The following DNM3 variants were observed in gnomAD, a reference collection of about 807,000 sequenced individuals.
The protein encoded by DNM3 is dynamin 3, also known as dynamin-3.
In DNM3, 47 loss-of-function variants were observed where a neutral mutation model predicts 101.6. The ratio of observed to expected loss-of-function variants is 0.46; its 90% CI spans 0.37 to 0.59. The LOEUF is 0.59. Ranked by LOEUF, DNM3 falls within the 20% of genes least tolerant of loss-of-function variation. DNM3 has a pLI of 0.00. For missense variants in DNM3, 849 were observed against 1,085.7 expected (o/e 0.78, Z 3.06); for synonymous variants, 385 against 387.9 (o/e 0.99, Z 0.09).
At chr1:171,851,415 G>A (rs1258076922) in intron 1 of DNM3, among the ~76,000 whole-genome samples, 1 of 152,026 alleles carries the variant, frequency 6.6e-6, no homozygotes, top group Non-Finnish European at 1.5e-5. Flanking sequence ...GATTAGAACG[G>A]TTGTTGTTTT....
At chr1:172,159,135 T>G (rs958234426) in intron 14 of DNM3, among the ~76,000 whole-genome samples, 1 of 152,040 alleles carries the variant, frequency 6.6e-6, no homozygotes, top group Non-Finnish European at 1.5e-5. Context: ...CCATTGGCAT[T>G]ATTTATTAAT....
intron 14 of DNM3, among the ~76,000 whole-genome samples, chr1:172,221,145 G>A (rs2060893189): frequency 6.6e-6 from 1 of 151,982 alleles, no homozygotes; most frequent in Admixed American, 6.6e-5. Context: ...GAAAAAGAAT[G>A]TATTATTAAG....
chr1:172,210,047 T>C (rs2060459554), intron 14 of DNM3, among the ~76,000 whole-genome samples: 1 of 152,078 alleles, frequency 6.6e-6, no homozygotes, highest in Non-Finnish European at 1.5e-5. Context: ...TACAAGATGT[T>C]AAATTTGAAA....
intron 1 of DNM3, among the ~76,000 whole-genome samples, chr1:171,899,723 C>T (rs919323314): frequency 6.6e-6 from 1 of 152,066 alleles, no homozygotes; most frequent in Non-Finnish European, 1.5e-5. Context: ...ACTTTGGATA[C>T]CCAAGAATTA....
At chr1:172,406,920 GACT>G (rs1015294724) in intron 20 of DNM3, among the ~76,000 whole-genome samples, 3 of 151,630 alleles carry the variant, frequency 2.0e-5, no homozygotes, top group African/African-American at 7.3e-5. Context: ...GTAAAAAAAT[GACT>G]ACCCAAGATA....
At chr1:172,232,856 A>G (rs994433530) in intron 14 of DNM3, among the ~76,000 whole-genome samples, 2 of 152,262 alleles carry the variant, frequency 1.3e-5, no homozygotes, top group African/African-American at 4.8e-5. Context: ...CAAAGGCACA[A>G]CATACCAGAA....
intron 7 of DNM3, among the ~76,000 whole-genome samples, chr1:172,040,638 A>G (rs1232352565): frequency 6.6e-6 from 1 of 152,160 alleles, no homozygotes; most frequent in Non-Finnish European, 1.5e-5. Flanking sequence ...TGACTAATAG[A>G]CATGGCAATG....
At chr1:171,887,851 T>C (rs1443209657) in intron 1 of DNM3, among the ~76,000 whole-genome samples, 3 of 152,150 alleles carry the variant, frequency 2.0e-5, no homozygotes, top group Non-Finnish European at 4.4e-5. Flanking sequence ...CATCATCTAA[T>C]ATGTTTTTTT....
At chr1:172,240,644 T>A (rs2061715364) in intron 14 of DNM3, among the ~76,000 whole-genome samples, 1 of 152,204 alleles carries the variant, frequency 6.6e-6, no homozygotes, top group Non-Finnish European at 1.5e-5. Flanking sequence ...ACTCAAAAGC[T>A]GTTACACAGT....
At chr1:172,088,750 A>G (rs866273707) in intron 12 of DNM3, among the ~76,000 whole-genome samples, 5 of 152,156 alleles carry the variant, frequency 3.3e-5, no homozygotes, top group African/African-American at 1.2e-4. Flanking sequence ...TTCAGATCAT[A>G]TCATCTGAAA....
intron 18 of DNM3, 70 bp from the exon 19 acceptor site, chr1:172,387,063 C>A: frequency 1.5e-6 from 2 of 1,327,600 alleles, no homozygotes; most frequent in Non-Finnish European, 2.1e-6. Flanking sequence ...CTGACTGCCA[C>A]AGCCATGTTT....
At chr1:171,945,606 G>A (rs2125431543) in intron 2 of DNM3, among the ~76,000 whole-genome samples, 3 of 152,294 alleles carry the variant, frequency 2.0e-5, no homozygotes, top group Middle Eastern at 3.4e-3. Flanking sequence ...AGAAGCAGAG[G>A]ATGAACAGGT....
At chr1:171,999,046 A>T (rs1322047336) in intron 4 of DNM3, among the ~76,000 whole-genome samples, 2 of 152,082 alleles carry the variant, frequency 1.3e-5, no homozygotes, top group Admixed American at 1.3e-4. Context: ...CTGAGCAGCC[A>T]GTGGAGGGTT....
Position 172,228,013 on chromosome 1 carries a change from A to C in DNM3, c.1660-25560A>C, listed in dbSNP as rs572538330. ...ATACTCTCCTTGACACTTTTCTATTAGGGTGTTTATTTTTTTAAACAGATT... is the reference window on the plus strand; with the variant it reads ...ATACTCTCCTTGACACTTTTCTATTCGGGTGTTTATTTTTTTAAACAGATT... On this transcript the variant is annotated intron_variant, in intron 14 of 20. Transcript: ENST00000627582. Among the ~76,000 whole-genome samples, 20 of 152,162 alleles carry C rather than the reference A, an allele frequency of 1.3e-4. No individual in the cohort carries two copies. In the Middle Eastern group the frequency reaches 0.017, roughly 129 times the overall value.
intron 20 of DNM3, among the ~76,000 whole-genome samples, chr1:172,391,642 T>C (rs1215291681): frequency 6.6e-6 from 1 of 152,222 alleles, no homozygotes; most frequent in East Asian, 1.9e-4. Flanking sequence ...TATCAAAAAC[T>C]TAGAAAGTTG....
intron 14 of DNM3, among the ~76,000 whole-genome samples, chr1:172,169,882 T>G (rs1468543415): frequency 6.6e-6 from 1 of 151,944 alleles, no homozygotes; most frequent in Non-Finnish European, 1.5e-5. Context: ...TTTTTCTTCT[T>G]TTGAAGAATT....
chr1:172,105,092 T>C (rs888988364), intron 13 of DNM3, among the ~76,000 whole-genome samples: 1 of 152,224 alleles, frequency 6.6e-6, no homozygotes, highest in African/African-American at 2.4e-5. Context: ...ATTATTTTAT[T>C]CCAAAGGGGC....
intron 2 of DNM3, among the ~76,000 whole-genome samples, chr1:171,933,714 A>G (rs1307373106): frequency 6.6e-6 from 1 of 152,152 alleles, no homozygotes; most frequent in East Asian, 1.9e-4. Flanking sequence ...GCCAGGGATG[A>G]TGAAAGGGAA....
At chr1:172,239,411 T>TC (rs1182334180) in intron 14 of DNM3, among the ~76,000 whole-genome samples, 1 of 152,148 alleles carries the variant, frequency 6.6e-6, no homozygotes, top group Non-Finnish European at 1.5e-5. Flanking sequence ...AGTCCCTGAA[T>TC]ACACGGTCAT....
Sources: allele counts gnomAD v4.1 joint callset (sites outside exome capture counted in the v4.1 genomes callset), GRCh38; gene constraint gnomAD v4.1.1; transcripts MANE v1.5; gene names NCBI Gene and HGNC (gene_info 2026-07-23, HGNC 2026-07-21).